The following HPS3 variants were observed in gnomAD, a reference collection of about 807,000 sequenced individuals.
HPS3 encodes the protein HPS3 biogenesis of lysosomal organelles complex 2 subunit 1, also known as BLOC-2 complex member HPS3.
Under a neutral mutation model 110.9 loss-of-function variants are expected in HPS3, and 79 were observed. The ratio of observed to expected loss-of-function variants is 0.71; its 90% CI spans 0.59 to 0.86. The LOEUF is 0.86. Ranked by LOEUF, HPS3 falls within the 40% of genes least tolerant of loss-of-function variation. The pLI, the probability that HPS3 is intolerant of heterozygous loss-of-function variation, is 0.00. For missense variants in HPS3, 1,197 were observed against 1,206.2 expected (o/e 0.99, Z 0.11); for synonymous variants, 428 against 451.0 (o/e 0.95, Z 0.65).
intron 1 of HPS3, among the ~76,000 whole-genome samples, chr3:149,138,426 CCTT>C (rs1311566965): frequency 6.6e-6 from 1 of 152,142 alleles, no homozygotes; most frequent in Non-Finnish European, 1.5e-5. Flanking sequence ...TGACTTATCT[CCTT>C]CTTTACCCGC....
chr3:149,157,205 AT>A, intron 8 of HPS3, 144 bp from the exon 9 acceptor site: 2 of 745,482 alleles, frequency 2.7e-6, no homozygotes, highest in Middle Eastern at 3.8e-4. Flanking sequence ...CCTTGTCAGA[AT>A]GGTGAATAAC....
chr3:149,169,198 G>A (rs1724739520), intron 16 of HPS3, among the ~76,000 whole-genome samples: 2 of 152,098 alleles, frequency 1.3e-5, no homozygotes, highest in African/African-American at 2.4e-5. Flanking sequence ...GAAGCATTCT[G>A]TAACTGTTCA....
chr3:149,140,383 T>A lies in HPS3; in HGVS notation c.597T>A (p.Ala199=), dbSNP rs1722367445. 5 of 1,610,194 alleles carry A rather than the reference T, an allele frequency of 3.1e-6. No individual in the cohort carries two copies. Among genetic ancestry groups the A allele is most frequent in the Non-Finnish European group, 4.2e-6 (5 of 1,177,846 alleles). ...TTTCTTTTTGTGTTGGATATGTTGC[T>A]GTCATGTCAGACTTAGAAGTCTTAA... ...VEVSFCVGYV[A]VMSDLEVLIV... is the part of the protein sequence containing the mutation. Residue 199 remains alanine (A), a synonymous_variant, in exon 2 of 17, where the codon GCT becomes GCA. Coordinates refer to ENST00000296051, the MANE Select transcript of HPS3 (RefSeq NM_032383.5).
rs551093114 is a variant in HPS3 at position 149,133,357 on chromosome 3, T to G, written c.217+3417T>G. Among the ~76,000 whole-genome samples the G allele has an allele frequency of 7.2e-5, 11 of 152,268 alleles. No homozygotes were observed. In the South Asian group the frequency reaches 2.3e-3, roughly 32 times the overall value. ...TCTTGTTGGCCAGGCTGGAGTGCAGTGGCGTGAACTCGGCTCACCACAACC... is the reference window on the plus strand; with the variant it reads ...TCTTGTTGGCCAGGCTGGAGTGCAGGGGCGTGAACTCGGCTCACCACAACC... On this transcript the variant is annotated intron_variant, in intron 1 of 16. Transcript: ENST00000296051.
chr3:149,149,120 A>ATT (rs777091621), intron 5 of HPS3, among the ~76,000 whole-genome samples: 6 of 136,558 alleles, frequency 4.4e-5, no homozygotes, highest in African/African-American at 8.0e-5. Context: ...CGCCCAGCTA[A>ATT]TTTTTTTTTT....
chr3:149,142,013 G>A (rs1408908854), intron 4 of HPS3, among the ~76,000 whole-genome samples: 1 of 151,774 alleles, frequency 6.6e-6, no homozygotes, highest in Admixed American at 6.6e-5. Context: ...ACCACGCCCA[G>A]CTAATTTTGT....
intron 12 of HPS3, 109 bp downstream of exon 12, chr3:149,162,442 CAGACAT>C (rs776615170): frequency 1.9e-6 from 2 of 1,048,396 alleles, no homozygotes; most frequent in Non-Finnish European, 2.9e-6. Flanking sequence ...ATTGAAAAAA[CAGACAT>C]ACATAATCAG....
At chr3:149,131,132 AAAAAAAAAC>A (rs1161228341) in intron 1 of HPS3, among the ~76,000 whole-genome samples, 6 of 150,688 alleles carry the variant, frequency 4.0e-5, no homozygotes, top group Non-Finnish European at 5.9e-5. Context: ...TAAAAAAAAA[AAAAAAAAAC>A]AAAAAGTTGA....
In HPS3 at chr3:149,170,301, GT is replaced by G. The variant is rs571758095; in HGVS notation, c.2888-1787del. ...AACTCCACACTAGCTCTCCAACTCA[GT>G]TTTTTTGTTTCTGAGATGCTACTTA... On this transcript the variant is annotated intron_variant, in intron 16 of 16. Transcript: ENST00000296051. Among the ~76,000 whole-genome samples the G allele has an allele frequency of 2.0e-5, 3 of 152,244 alleles. No homozygotes were observed. The South Asian group carries it at 6.2e-4, about 32-fold the overall frequency.
chr3:149,155,256 A>G (rs748319957), intron 8 of HPS3, 41 bp downstream of exon 8: 1 of 1,091,110 alleles, frequency 9.2e-7, no homozygotes, highest in African/African-American at 1.6e-5. Context: ...GTAGATATTT[A>G]GAGTGAAATT....
intron 1 of HPS3, among the ~76,000 whole-genome samples, chr3:149,136,200 A>G (rs1722082635): frequency 1.0e-5 from 1 of 97,908 alleles, no homozygotes. Context: ...TAATATATGT[A>G]TATACATATA....
At chr3:149,167,609 C>T (rs1003717261) in intron 15 of HPS3, among the ~76,000 whole-genome samples, 2 of 152,048 alleles carry the variant, frequency 1.3e-5, no homozygotes, top group African/African-American at 4.8e-5. Context: ...CTTCTTGCCA[C>T]ATAGGAGATG....
intron 14 of HPS3, among the ~76,000 whole-genome samples, chr3:149,166,373 GA>G (rs2108181494): frequency 6.6e-6 from 1 of 152,256 alleles, no homozygotes; most frequent in African/African-American, 2.4e-5. Context: ...GGGGTGTAAA[GA>G]AAACAAAGAG....
chr3:149,153,666 C>T lies in HPS3; in HGVS notation c.1400+18C>T, dbSNP rs2108153024. 6.2e-7 allele frequency: 1 copy of T among 1,613,420 alleles called. No homozygotes were observed. The highest frequency in any genetic ancestry group is 1.1e-5 in the South Asian group (1 of 91,058). On this transcript the variant is annotated intron_variant, in intron 7 of 16. Transcript: ENST00000296051. ...AGGCTTCTGTAAGCATCCCCTTGCCCCAGGCATTCCTGCCAGTTTCTGGAA... is the reference window on the plus strand; with the variant it reads ...AGGCTTCTGTAAGCATCCCCTTGCCTCAGGCATTCCTGCCAGTTTCTGGAA...
chr3:149,172,285 A>G lies in HPS3; in HGVS notation c.*63A>G, dbSNP rs1187141684. The G allele has an allele frequency of 7.3e-7, 1 of 1,373,132 alleles. No homozygotes were observed. Among genetic ancestry groups the G allele is most frequent in the South Asian group, 1.2e-5 (1 of 84,134 alleles). 85.1% of individuals were successfully genotyped at this position (1,373,132 alleles called of 1,614,324 possible). A position where few individuals can be genotyped will look rare whatever the true frequency, so the allele number is the denominator to read the frequency against. On this transcript the variant is annotated 3_prime_UTR_variant, in exon 17 of 17. Transcript: ENST00000296051. Reference sequence around the variant, plus strand: ...CTGAATTTCTAAAAATTGAATGCCAAAGTACAAGTAGAGGAGTTTTTTATT... The same window carrying G: ...CTGAATTTCTAAAAATTGAATGCCAGAGTACAAGTAGAGGAGTTTTTTATT...
At chr3:149,140,756 G>A (rs1395677263) in intron 2 of HPS3, among the ~76,000 whole-genome samples, 1 of 152,140 alleles carries the variant, frequency 6.6e-6, no homozygotes, top group East Asian at 1.9e-4. Context: ...ATAGTTACTA[G>A]TTGAATGACC....
chr3:149,139,972 A>G (rs770666919), intron 1 of HPS3, 32 bp from the exon 2 acceptor site: 2 of 1,597,546 alleles, frequency 1.3e-6, no homozygotes, highest in East Asian at 2.2e-5. Flanking sequence ...TTCTAATTAC[A>G]AATTCTCAGT....
chr3:149,143,169 A>C (rs779364911), intron 4 of HPS3, among the ~76,000 whole-genome samples: 1 of 152,160 alleles, frequency 6.6e-6, no homozygotes, highest in African/African-American at 2.4e-5. Flanking sequence ...CTCCAAATCC[A>C]TTCCATGGCG....
chr3:149,137,902 C>G (rs562431104), intron 1 of HPS3, among the ~76,000 whole-genome samples: 6 of 152,210 alleles, frequency 3.9e-5, no homozygotes, highest in African/African-American at 1.2e-4. Context: ...GTGATGGTTG[C>G]ATAGCAATGA....
Sources: allele counts gnomAD v4.1 joint callset (sites outside exome capture counted in the v4.1 genomes callset), GRCh38; gene constraint gnomAD v4.1.1; transcripts MANE v1.5; gene names NCBI Gene and HGNC (gene_info 2026-07-23, HGNC 2026-07-21).